Variants in MBP observed in about 807,000 individuals in gnomAD.
MBP encodes the protein Golli-MBP.
Under a neutral mutation model 35.8 loss-of-function variants are expected in MBP, and 16 were observed. That is an observed-to-expected ratio of 0.45 (90% CI 0.30 to 0.68). The LOEUF is 0.68. Among genes scored for constraint, MBP ranks in the 30% least tolerant of loss-of-function variants. The pLI, the probability that MBP is intolerant of heterozygous loss-of-function variation, is 0.08. For synonymous variants in MBP, 143 were observed against 159.6 expected, an observed-to-expected ratio of 0.90 and a Z score of 0.78; for missense variants, 380 against 404.7, an observed-to-expected ratio of 0.94 and a Z score of 0.52.
At chr18:77,026,378 G>A (rs1294213395) in intron 3 of MBP, among the ~76,000 whole-genome samples, 2 of 152,226 alleles carry the variant, frequency 1.3e-5, no homozygotes, top group African/African-American at 4.8e-5. Flanking sequence ...TCCAGAGCAT[G>A]CCATAGGAAA....
chr18:77,027,777 TC>T (rs1972279699), intron 3 of MBP, among the ~76,000 whole-genome samples: 1 of 152,172 alleles, frequency 6.6e-6, no homozygotes, highest in Non-Finnish European at 1.5e-5. Context: ...AGCCTCAACT[TC>T]CTGGGCTTAA....
At chr18:77,015,383 T>C (rs1971570787) in intron 4 of MBP, 2 of 985,466 alleles carry the variant, frequency 2.0e-6, no homozygotes, top group African/African-American at 3.5e-5. Flanking sequence ...CCCGAATCCA[T>C]ACATGTCTGG....
chr18:76,995,443 G>A (rs552616149), intron 4 of MBP, among the ~76,000 whole-genome samples: 1 of 152,298 alleles, frequency 6.6e-6, no homozygotes, highest in South Asian at 2.1e-4. Context: ...GATTGACTAT[G>A]CAGCCATGGT....
chr18:77,058,930 G>T (rs1973851863), intron 3 of MBP, among the ~76,000 whole-genome samples: 1 of 152,130 alleles, frequency 6.6e-6, no homozygotes, highest in Admixed American at 6.5e-5. Flanking sequence ...GACATAACGA[G>T]ACCTGCCTGA....
chr18:77,082,631 T>C (rs1440934171), intron 2 of MBP, among the ~76,000 whole-genome samples: 2 of 151,846 alleles, frequency 1.3e-5, no homozygotes, highest in Non-Finnish European at 2.9e-5. Flanking sequence ...AGATGCTGAC[T>C]GGGCATGCGG....
chr18:77,015,228 A>G, intron 4 of MBP: 9 of 985,302 alleles, frequency 9.1e-6, no homozygotes, highest in Non-Finnish European at 1.1e-5. Context: ...AATACATATT[A>G]TCCAGTGATT....
chr18:77,117,579 T>TA (rs1251810850), intron 1 of MBP, among the ~76,000 whole-genome samples: 1 of 152,024 alleles, frequency 6.6e-6, no homozygotes. Flanking sequence ...GCTTGCCTGA[T>TA]AGATTGTGAC....
intron 3 of MBP, among the ~76,000 whole-genome samples, chr18:77,029,235 C>T (rs1465021865): frequency 6.8e-6 from 1 of 147,906 alleles, no homozygotes; most frequent in Non-Finnish European, 1.5e-5. Context: ...ACAGCGAAAC[C>T]CCGGCTCCAC....
chr18:77,059,575 G>A (rs6565927), intron 3 of MBP, among the ~76,000 whole-genome samples: 63,466 of 151,526 alleles, frequency 0.42, 16,389 homozygotes, highest in African/African-American at 0.74. Context: ...AATCAAATTT[G>A]ACATATGTGT....
chr18:77,022,962 T>A lies in MBP; in HGVS notation c.140-5694A>T, dbSNP rs559271804. On this transcript the variant is annotated intron_variant, in intron 3 of 8. Coordinates refer to ENST00000355994, the MANE Select transcript of MBP (RefSeq NM_001025101.2). ...TGGATATTTATAGAGCAGAGCATTA[T>A]TACACAATTAGTGAAACATGCAGAT... Among the ~76,000 whole-genome samples, 6 of 152,354 alleles carry A rather than the reference T, an allele frequency of 3.9e-5. No individual in the cohort carries two copies. In the East Asian group the frequency reaches 9.6e-4, roughly 24 times the overall value.
intron 3 of MBP, among the ~76,000 whole-genome samples, chr18:77,049,498 C>T (rs1973394883): frequency 6.6e-6 from 1 of 152,044 alleles, no homozygotes. Flanking sequence ...AGATTTGCCT[C>T]ATTGGTTTGG....
chr18:77,000,394 C>T (rs1970564771), intron 4 of MBP, among the ~76,000 whole-genome samples: 1 of 152,204 alleles, frequency 6.6e-6, no homozygotes, highest in Non-Finnish European at 1.5e-5. Flanking sequence ...GTGTTGGGGC[C>T]TCTTCCTATC....
At chr18:77,049,219 G>A (rs184839288) in intron 3 of MBP, among the ~76,000 whole-genome samples, 2 of 152,280 alleles carry the variant, frequency 1.3e-5, no homozygotes, top group East Asian at 1.9e-4. Context: ...GCACCCGGCC[G>A]AGGGCAGGGT....
intron 1 of MBP, among the ~76,000 whole-genome samples, chr18:77,124,643 G>T (rs1425953280): frequency 6.6e-6 from 1 of 151,620 alleles, no homozygotes; most frequent in Non-Finnish European, 1.5e-5. Context: ...GCCAGTGGGG[G>T]AGAGCCCACC....
rs1299082142 is a variant in MBP, at chr18:76,979,907, G to A, written c.*520C>T. On this transcript the variant is annotated 3_prime_UTR_variant, in exon 9 of 9. Transcript: ENST00000355994. ...ACATGTAGTAAGCCACTCCTTGACT[G>A]TCTAATCCTGTTAGGAAAAATGAAG... The A allele has an allele frequency of 4.3e-6, 3 of 701,500 alleles. No homozygotes were observed. Among genetic ancestry groups the A allele is most frequent in the Admixed American group, 4.0e-5 (2 of 49,818 alleles). The allele number at this position is 701,500 out of a possible 1,614,324, so 43.5% of individuals were successfully genotyped here. A position where few individuals can be genotyped will look rare whatever the true frequency, so the allele number is the denominator to read the frequency against.
chr18:76,990,110 G>A lies in MBP; in HGVS notation c.577-50C>T, dbSNP rs754263101. 4.0e-6 allele frequency: 5 copies of A among 1,260,484 alleles called. No individual in the cohort carries two copies. In the South Asian group the frequency reaches 5.3e-5, roughly 13 times the overall value. The allele number at this position is 1,260,484 out of a possible 1,614,324, so 78.1% of individuals were successfully genotyped here. Reference sequence around the variant, plus strand: ...TCAGGACAAGTCCACAGTCCCTGCGGCTTGTCCTCCTCAGGGAAGCTGGAT... The same window carrying A: ...TCAGGACAAGTCCACAGTCCCTGCGACTTGTCCTCCTCAGGGAAGCTGGAT... On this transcript the variant is annotated intron_variant, in intron 4 of 8. Coordinates refer to ENST00000355994, the MANE Select transcript of MBP (RefSeq NM_001025101.2).
intron 3 of MBP, among the ~76,000 whole-genome samples, chr18:77,061,075 C>T (rs1973958649): frequency 6.6e-6 from 1 of 152,162 alleles, no homozygotes; most frequent in Admixed American, 6.5e-5. Context: ...GGGAAGGGAC[C>T]CCAAGTTCTT....
intron 3 of MBP, among the ~76,000 whole-genome samples, chr18:77,058,324 C>A (rs1248994503): frequency 6.6e-6 from 1 of 152,206 alleles, no homozygotes; most frequent in Non-Finnish European, 1.5e-5. Context: ...CAGGACCCAC[C>A]TGGGACCCCT....
chr18:77,067,214 C>T lies in MBP; in HGVS notation c.52-829G>A, dbSNP rs553424589. 6.6e-5 allele frequency among the ~76,000 whole-genome samples: 10 copies of T among 152,340 alleles called. No homozygotes were observed. The South Asian group carries it at 1.9e-3, about 28-fold the overall frequency. ...CCCCGGGGTCTCCTGGATGCCCCCC[C>T]GCCCCCTTCTGGGAGGCAGCTGGCA... is the stretch of plus-strand genomic sequence containing the variant. On this transcript the variant is annotated intron_variant, in intron 2 of 8. Coordinates refer to ENST00000355994, the MANE Select transcript of MBP (RefSeq NM_001025101.2).
Sources: allele counts gnomAD v4.1 joint callset (sites outside exome capture counted in the v4.1 genomes callset), GRCh38; gene constraint gnomAD v4.1.1; transcripts MANE v1.5; gene names NCBI Gene and HGNC (gene_info 2026-07-23, HGNC 2026-07-21).